The following RLIG1 variants were observed in gnomAD, a reference collection of about 807,000 sequenced individuals.
The protein encoded by RLIG1 is RNA 5'-phosphate and 3'-OH ligase 1, also known as RNA ligase 1.
chr12:88,047,092 A>G, the RLIG1 span: 12 of 1,104,332 alleles, frequency 1.1e-5, no homozygotes, highest in Non-Finnish European at 1.5e-5. Flanking sequence ...CAGTAAAGAA[A>G]TTTAATTTTC....
At chr12:88,038,538 A>G in the RLIG1 span, among the ~76,000 whole-genome samples, 1 of 152,198 alleles carries the variant, frequency 6.6e-6, no homozygotes, top group African/African-American at 2.4e-5. Flanking sequence ...TTCTTTTGCC[A>G]TCTTGAACAT....
At chr12:88,035,880 G>A in the RLIG1 span, 12 of 1,508,500 alleles carry the variant, frequency 8.0e-6, no homozygotes, top group African/African-American at 1.4e-5. Context: ...CCCTGGGGAG[G>A]TCTGGGGTGG....
chr12:88,043,847 A>C, the RLIG1 span: 4 of 674,240 alleles, frequency 5.9e-6, no homozygotes, highest in African/African-American at 7.4e-5. Flanking sequence ...TCTGAATCAA[A>C]TTTATGTAAA....
the RLIG1 span, among the ~76,000 whole-genome samples, chr12:88,043,100 ATT>A: frequency 1.3e-5 from 2 of 152,090 alleles, no homozygotes; most frequent in African/African-American, 2.4e-5. Flanking sequence ...TTTTTGTAAT[ATT>A]TGTCACTTCT....
the RLIG1 span, chr12:88,035,789 C>G: frequency 6.4e-7 from 1 of 1,554,642 alleles, no homozygotes; most frequent in Non-Finnish European, 8.7e-7. Flanking sequence ...CTCCTCCCCG[C>G]GGCGCTGGCT....
At chr12:88,037,647 T>C in the RLIG1 span, among the ~76,000 whole-genome samples, 103 of 152,316 alleles carry the variant, frequency 6.8e-4, no homozygotes, top group African/African-American at 2.3e-3. Flanking sequence ...GTTGTATTTT[T>C]AAAGTACTGA....
the RLIG1 span, among the ~76,000 whole-genome samples, chr12:88,041,211 G>T: frequency 6.6e-6 from 1 of 152,192 alleles, no homozygotes; most frequent in East Asian, 1.9e-4. Flanking sequence ...TATTTTTTGT[G>T]ACTGGCTTAT....
chr12:88,042,778 T>TA, the RLIG1 span: 2 of 1,218,956 alleles, frequency 1.6e-6, no homozygotes, highest in African/African-American at 3.2e-5. Context: ...TCTTTCAAGA[T>TA]AAGTTTTGTT....
chr12:88,040,359 C>G, the RLIG1 span: 9 of 672,634 alleles, frequency 1.3e-5, no homozygotes, highest in Non-Finnish European at 1.9e-5. Context: ...TCTTCATAAA[C>G]ACTTGGAAAC....
At chr12:88,048,222 T>A in the RLIG1 span, 1 of 1,520,628 alleles carries the variant, frequency 6.6e-7, no homozygotes, top group East Asian at 2.4e-5. Context: ...AATACCTTTT[T>A]TCTCTTTCCA....
the RLIG1 span, chr12:88,043,733 C>CT: frequency 6.5e-7 from 1 of 1,540,016 alleles, no homozygotes; most frequent in East Asian, 2.3e-5. Flanking sequence ...GATATCTCTT[C>CT]TAGTGCAGTT....
the RLIG1 span, chr12:88,048,104 A>AT: frequency 7.4e-6 from 4 of 539,682 alleles, no homozygotes; most frequent in Non-Finnish European, 1.2e-5. Flanking sequence ...AAGACCAGCT[A>AT]TAAAAAAAAA....
the RLIG1 span, chr12:88,035,666 C>T: frequency 2.5e-6 from 4 of 1,607,520 alleles, no homozygotes; most frequent in East Asian, 2.2e-5. Flanking sequence ...GCTTGGGCTC[C>T]GTGCAGCGGA....
chr12:88,048,965 T>G, the RLIG1 span: 1 of 343,218 alleles, frequency 2.9e-6, no homozygotes, highest in Non-Finnish European at 5.2e-6. Flanking sequence ...TCACCAGAGC[T>G]CACTGCCTAT....
the RLIG1 span, chr12:88,049,459 A>G: frequency 2.0e-6 from 2 of 990,654 alleles, no homozygotes; most frequent in African/African-American, 1.7e-5. Context: ...GGAAATATAC[A>G]TATTTTACGT....
the RLIG1 span, chr12:88,047,026 A>T: frequency 5.0e-5 from 74 of 1,482,890 alleles, no homozygotes; most frequent in Non-Finnish European, 6.2e-5. Flanking sequence ...ATATTCCTAC[A>T]ATAGAGTAGA....
At chr12:88,042,002 A>G in the RLIG1 span, 2 of 152,190 alleles carry the variant, frequency 1.3e-5, no homozygotes, top group Non-Finnish European at 2.9e-5. Context: ...ATTACTACTA[A>G]ATTATTACTA....
the RLIG1 span, chr12:88,046,738 A>G: frequency 7.3e-7 from 1 of 1,371,898 alleles, no homozygotes; most frequent in South Asian, 1.4e-5. Context: ...CTTTATTTGA[A>G]GAGGTACGTT....
the RLIG1 span, chr12:88,043,783 C>G: frequency 1.8e-6 from 2 of 1,087,388 alleles, no homozygotes; most frequent in African/African-American, 1.6e-5. Flanking sequence ...TCCATTCAAT[C>G]AGAAATTACA....
Sources: gnomAD v4.1 joint callset for allele counts (sites outside exome capture counted in the v4.1 genomes callset) on GRCh38, gnomAD v4.1.1 for gene constraint, MANE v1.5 for transcripts, NCBI Gene and HGNC (gene_info 2026-07-23, HGNC 2026-07-21) for gene names.